The following HDAC9 variants were observed in gnomAD, a reference collection of about 807,000 sequenced individuals.
HDAC9 encodes the protein MEF-2 interacting transcription repressor (MITR) protein.
In HDAC9, 41 loss-of-function variants were observed where a neutral mutation model predicts 139.4. That is an observed-to-expected ratio of 0.29 (90% confidence interval 0.23 to 0.38). HDAC9 has a LOEUF of 0.38. Ranked by LOEUF, HDAC9 falls within the 10% of genes least tolerant of loss-of-function variation. The probability of loss-of-function intolerance (pLI) is 1.00; values close to 1 mark genes in which losing one functional copy is unlikely to be tolerated. For missense variants in HDAC9, 1,147 were observed against 1,297.0 expected (o/e 0.88, Z 1.78); for synonymous variants, 517 against 476.2 (o/e 1.09, Z -1.12).
intron 1 of HDAC9, among the ~76,000 whole-genome samples, chr7:18,436,717 A>T (rs1791235627): frequency 6.6e-6 from 1 of 152,218 alleles, no homozygotes; most frequent in Non-Finnish European, 1.5e-5. Context: ...CTTCATTTTA[A>T]TACACAATTT....
chr7:18,640,464 T>A (rs1785245283), intron 8 of HDAC9, among the ~76,000 whole-genome samples: 1 of 151,442 alleles, frequency 6.6e-6, no homozygotes, highest in African/African-American at 2.4e-5. Context: ...TTTGTCTTCT[T>A]AAGAGTAAGA....
chr7:18,633,121 C>G (rs768831965), intron 7 of HDAC9, among the ~76,000 whole-genome samples: 2 of 151,792 alleles, frequency 1.3e-5, no homozygotes, highest in African/African-American at 4.8e-5. Flanking sequence ...GTGATTTTGA[C>G]AAGGGAAATA....
intron 14 of HDAC9, among the ~76,000 whole-genome samples, chr7:18,758,865 T>A (rs1789118166): frequency 6.6e-6 from 1 of 152,110 alleles, no homozygotes; most frequent in East Asian, 1.9e-4. Flanking sequence ...GTTTGTGGGC[T>A]GTTCTCTAGC....
chr7:18,252,782 G>A (rs150061253), intron 2 of HDAC9, among the ~76,000 whole-genome samples: 9 of 151,852 alleles, frequency 5.9e-5, no homozygotes, highest in Non-Finnish European at 1.0e-4. Flanking sequence ...TTATATTATG[G>A]TAGGTAAATT....
intron 2 of HDAC9, among the ~76,000 whole-genome samples, chr7:18,165,783 A>T (rs565185197): frequency 6.6e-6 from 1 of 150,412 alleles, no homozygotes; most frequent in Admixed American, 6.6e-5. Context: ...TGGGCCACAG[A>T]GCAAGACCCT....
At chr7:18,533,248 T>C (rs1413779020) in intron 2 of HDAC9, among the ~76,000 whole-genome samples, 1 of 152,178 alleles carries the variant, frequency 6.6e-6, no homozygotes, top group Non-Finnish European at 1.5e-5. Flanking sequence ...CTCTATTTTC[T>C]CCGGGAGTTT....
At chr7:18,408,583 A>G (rs763978634) in intron 1 of HDAC9, among the ~76,000 whole-genome samples, 1 of 152,192 alleles carries the variant, frequency 6.6e-6, no homozygotes, top group Non-Finnish European at 1.5e-5. Context: ...TTGTATGACT[A>G]GCTGGGCTGG....
intron 8 of HDAC9, among the ~76,000 whole-genome samples, chr7:18,636,616 C>T (rs1191575327): frequency 6.6e-6 from 1 of 152,034 alleles, no homozygotes; most frequent in Non-Finnish European, 1.5e-5. Context: ...GTAATTCTGG[C>T]CTCTACATGG....
intron 25 of HDAC9, among the ~76,000 whole-genome samples, chr7:18,990,707 G>A (rs1255333114): frequency 2.0e-5 from 3 of 152,242 alleles, no homozygotes; most frequent in Non-Finnish European, 4.4e-5. Context: ...GAGATTCTGT[G>A]GGCGTAGGAC....
intron 12 of HDAC9, among the ~76,000 whole-genome samples, chr7:18,705,411 C>A (rs1783810029): frequency 6.6e-6 from 1 of 152,164 alleles, no homozygotes; most frequent in Non-Finnish European, 1.5e-5. Flanking sequence ...CTCCTCCACT[C>A]CCCACCCGAG....
chr7:18,344,126 A>T (rs191716931), intron 1 of HDAC9, among the ~76,000 whole-genome samples: 1 of 151,864 alleles, frequency 6.6e-6, no homozygotes, highest in Non-Finnish European at 1.5e-5. Flanking sequence ...TTCTTAGCAC[A>T]TGTAATGTGA....
intron 7 of HDAC9, among the ~76,000 whole-genome samples, chr7:18,634,333 G>GT (rs569172281): frequency 0.02 from 2,773 of 140,264 alleles, 17 homozygotes; most frequent in Middle Eastern, 0.037. Flanking sequence ...CCTTTCTTCA[G>GT]TTTTTTTTTT....
At chr7:18,711,419 T>TCATA in intron 12 of HDAC9, among the ~76,000 whole-genome samples, 1 of 152,172 alleles carries the variant, frequency 6.6e-6, no homozygotes, top group Non-Finnish European at 1.5e-5. Flanking sequence ...TTGACTAGTG[T>TCATA]TTACAAATAA....
At chr7:18,604,757 C>CT (rs1403410244) in intron 6 of HDAC9, among the ~76,000 whole-genome samples, 4 of 152,090 alleles carry the variant, frequency 2.6e-5, no homozygotes, top group Non-Finnish European at 5.9e-5. Flanking sequence ...CCTTTTCAAT[C>CT]TTTCCTAGAG....
chr7:18,500,660 G>C (rs1004525595), intron 2 of HDAC9, among the ~76,000 whole-genome samples: 17 of 152,100 alleles, frequency 1.1e-4, no homozygotes, highest in Non-Finnish European at 1.9e-4. Flanking sequence ...AGAAATGAAG[G>C]CTTCAGAGCA....
intron 2 of HDAC9, among the ~76,000 whole-genome samples, chr7:18,196,936 A>G (rs1158379484): frequency 6.6e-6 from 1 of 152,158 alleles, no homozygotes; most frequent in Non-Finnish European, 1.5e-5. Context: ...ACTTAGGGTG[A>G]TACTGTGAGG....
At chr7:18,214,292 G>T (rs1448009029) in intron 2 of HDAC9, among the ~76,000 whole-genome samples, 1 of 151,964 alleles carries the variant, frequency 6.6e-6, no homozygotes, top group Non-Finnish European at 1.5e-5. Flanking sequence ...GGTGTGTCTG[G>T]CTCAGGATCT....
chr7:18,199,667 A>G (rs1204013413), intron 2 of HDAC9, among the ~76,000 whole-genome samples: 1 of 150,628 alleles, frequency 6.6e-6, no homozygotes, highest in East Asian at 2.0e-4. Flanking sequence ...CTGAAGTCCC[A>G]ACACTCTGGG....
intron 2 of HDAC9, among the ~76,000 whole-genome samples, chr7:18,278,880 A>T (rs555521818): frequency 8.5e-5 from 13 of 152,194 alleles, no homozygotes; most frequent in African/African-American, 3.1e-4. Context: ...TCTATTGAAT[A>T]TTCTATTGAA....
Sources: allele counts gnomAD v4.1 joint callset (sites outside exome capture counted in the v4.1 genomes callset), GRCh38; gene constraint gnomAD v4.1.1; transcripts MANE v1.5; gene names NCBI Gene and HGNC (gene_info 2026-07-23, HGNC 2026-07-21).